FUT8: variants seen among roughly 807,000 people sequenced by gnomAD.
FUT8 encodes the protein fucosyltransferase 8, also known as alpha-(1,6)-fucosyltransferase.
FUT8 carries 29 observed loss-of-function variants against 71.3 expected under a neutral mutation model. The ratio of observed to expected loss-of-function variants is 0.41; its 90% CI spans 0.30 to 0.55. FUT8 has a LOEUF of 0.55. FUT8 is among the 20% of genes least tolerant of loss of function. The probability of loss-of-function intolerance (pLI) is 0.34; values close to 1 mark genes in which losing one functional copy is unlikely to be tolerated. For missense variants in FUT8, 544 were observed against 702.1 expected, an observed-to-expected ratio of 0.77 and a Z score of 2.55; for synonymous variants, 254 against 239.3, an observed-to-expected ratio of 1.06 and a Z score of -0.57.
At chr14:65,535,996 G>A (rs1471011696) in intron 2 of FUT8, among the ~76,000 whole-genome samples, 2 of 152,078 alleles carry the variant, frequency 1.3e-5, no homozygotes. Flanking sequence ...AGGATAGTTA[G>A]GTCTTCTTGT....
rs1011497865 is a variant in FUT8, at chr14:65,550,248, C to A, written c.-227-11089C>A. On this transcript the variant is annotated intron_variant, in intron 2 of 10. Transcript: ENST00000673929. The surrounding 1 kb of genome is among the most constrained non-coding windows in gnomAD (Gnocchi z 4.5). ...TGCAAGAGAGAGAAGGGAGGAGATA[C>A]CAGGCTCTTTTTAACAAGATCATTG... Among the ~76,000 whole-genome samples the A allele has an allele frequency of 3.3e-5, 5 of 151,994 alleles. No homozygotes were observed. Among genetic ancestry groups the A allele is most frequent in the African/African-American group, 1.2e-4 (5 of 41,388 alleles).
chr14:65,673,892 C>G (rs906000764), intron 7 of FUT8, among the ~76,000 whole-genome samples: 1 of 152,082 alleles, frequency 6.6e-6, no homozygotes, highest in Non-Finnish European at 1.5e-5. Flanking sequence ...ATTCAAATAT[C>G]TCACTCAGGT....
chr14:65,711,697 C>T (rs1894818192), intron 7 of FUT8, among the ~76,000 whole-genome samples: 1 of 152,096 alleles, frequency 6.6e-6, no homozygotes, highest in Admixed American at 6.5e-5. Flanking sequence ...AAGGTGCCCA[C>T]CTCTTAACTG....
At chr14:65,466,540 A>G (rs2066046963) in intron 2 of FUT8, among the ~76,000 whole-genome samples, 1 of 152,188 alleles carries the variant, frequency 6.6e-6, no homozygotes, top group South Asian at 2.1e-4. Flanking sequence ...ACCTGAGGTC[A>G]GGAGTTCGAG....
chr14:65,566,002 A>G (rs1886174352), intron 3 of FUT8, among the ~76,000 whole-genome samples: 1 of 151,870 alleles, frequency 6.6e-6, no homozygotes, highest in Non-Finnish European at 1.5e-5. Flanking sequence ...ACAATCATTT[A>G]TTTGCTCTTG....
chr14:65,720,965 T>C (rs1161171232), intron 7 of FUT8, among the ~76,000 whole-genome samples: 1 of 151,908 alleles, frequency 6.6e-6, no homozygotes, highest in African/African-American at 2.4e-5. Context: ...ATCACTGTGC[T>C]CCCCCTCCCC....
At chr14:65,450,769 T>C (rs968561426) in intron 1 of FUT8, among the ~76,000 whole-genome samples, 1 of 152,152 alleles carries the variant, frequency 6.6e-6, no homozygotes, top group African/African-American at 2.4e-5. Flanking sequence ...GGTTAATCAT[T>C]TTTTTCTATT....
chr14:65,669,974 A>T lies in FUT8; in HGVS notation c.835+494A>T, dbSNP rs1892399149. Among the ~76,000 whole-genome samples, 1 of 152,162 alleles carries T rather than the reference A, an allele frequency of 6.6e-6. No individual in the cohort carries two copies. Among genetic ancestry groups the T allele is most frequent in the African/African-American group, 2.4e-5 (1 of 41,448 alleles). On this transcript the variant is annotated intron_variant, in intron 7 of 10. Transcript: ENST00000673929. This position sits in a 1 kb window ranked among gnomAD's most constrained non-coding sequence, Gnocchi z 4.5. ...TCTGACAAAAGTTTTAGGTTTAGGG[A>T]CCGTGCTTTGAGAACCACTGAGGTG... is the stretch of plus-strand genomic sequence containing the variant.
At chr14:65,667,387 G>A (rs1892269564) in intron 6 of FUT8, among the ~76,000 whole-genome samples, 1 of 151,936 alleles carries the variant, frequency 6.6e-6, no homozygotes, top group African/African-American at 2.4e-5. Flanking sequence ...TAATATCCAA[G>A]GTGAGAGCTC....
chr14:65,583,675 G>A (rs1887211052), intron 3 of FUT8, among the ~76,000 whole-genome samples: 1 of 150,922 alleles, frequency 6.6e-6, no homozygotes, highest in African/African-American at 2.4e-5. Context: ...TGAGTCAAAT[G>A]CAATTAATTT....
intron 7 of FUT8, among the ~76,000 whole-genome samples, chr14:65,718,017 A>G (rs1332614512): frequency 8.5e-5 from 13 of 152,102 alleles, no homozygotes; most frequent in African/African-American, 2.9e-4. Context: ...TTAGCTATTC[A>G]GCCACTCTAT....
At chr14:65,563,949 G>A (rs888306355) in intron 3 of FUT8, among the ~76,000 whole-genome samples, 4 of 152,016 alleles carry the variant, frequency 2.6e-5, no homozygotes, top group Admixed American at 2.0e-4. Flanking sequence ...TGTAATTACA[G>A]TCTGAAAACA....
chr14:65,727,008 C>T (rs1284214206), intron 9 of FUT8, among the ~76,000 whole-genome samples: 7 of 152,212 alleles, frequency 4.6e-5, no homozygotes, highest in African/African-American at 1.7e-4. Flanking sequence ...CCTTTGACTC[C>T]ACGCCTCACA....
intron 1 of FUT8, among the ~76,000 whole-genome samples, chr14:65,431,854 CTT>C (rs962413350): frequency 1.3e-5 from 2 of 152,026 alleles, no homozygotes; most frequent in Non-Finnish European, 2.9e-5. Flanking sequence ...TTAATTAACT[CTT>C]TTATCATTTT....
At position 65,712,892 on chromosome 14, in the gene FUT8, T is replaced by C. The variant is rs138708997; in HGVS notation, c.836-8883T>C. On this transcript the variant is annotated intron_variant, in intron 7 of 10. Transcript: ENST00000673929. ...TGGGGTATCCATCACCTCAAGCATT[T>C]ATCCTTTATGTTACAAACAATCCAA... Among the ~76,000 whole-genome samples, 1,279 of 152,330 alleles carry C rather than the reference T, an allele frequency of 8.4e-3. 19 individuals are homozygous for C. Among genetic ancestry groups the C allele is most frequent in the African/African-American group, 0.029 (1,225 of 41,562 alleles).
intron 2 of FUT8, among the ~76,000 whole-genome samples, chr14:65,513,863 T>C (rs1360246659): frequency 2.0e-5 from 3 of 152,210 alleles, no homozygotes; most frequent in Admixed American, 6.5e-5. Flanking sequence ...TGCATATCCA[T>C]CATGTAATAT....
At chr14:65,508,369 C>T (rs965551836) in intron 2 of FUT8, among the ~76,000 whole-genome samples, 3 of 150,996 alleles carry the variant, frequency 2.0e-5, no homozygotes, top group African/African-American at 4.9e-5. Context: ...TGTGCCCGGC[C>T]GAACACTTTT....
intron 1 of FUT8, among the ~76,000 whole-genome samples, chr14:65,447,206 C>G (rs987404856): frequency 6.6e-6 from 1 of 151,156 alleles, no homozygotes; most frequent in South Asian, 2.1e-4. Context: ...AGGCAGAAGT[C>G]GCTTGCTCCT....
intron 5 of FUT8, among the ~76,000 whole-genome samples, chr14:65,620,571 T>A (rs1399176741): frequency 2.6e-5 from 4 of 152,218 alleles, no homozygotes; most frequent in Non-Finnish European, 5.9e-5. Flanking sequence ...GTATTTTCAT[T>A]CTGTTTGGAA....
Sources: allele counts gnomAD v4.1 joint callset (sites outside exome capture counted in the v4.1 genomes callset), GRCh38; gene constraint gnomAD v4.1.1; non-coding constraint Gnocchi (gnomAD v3.1); transcripts MANE v1.5; gene names NCBI Gene and HGNC (gene_info 2026-07-23, HGNC 2026-07-21).